HMCN2: variants seen among roughly 807,000 people sequenced by gnomAD.
HMCN2 encodes hemicentin-2.
A neutral mutation model predicts 377.5 loss-of-function variants in HMCN2; 325 were observed. The ratio of observed to expected loss-of-function variants is 0.86; its 90% CI spans 0.79 to 0.94. HMCN2 has a LOEUF of 0.94. HMCN2 is among the 40% of genes least tolerant of loss of function. The pLI is 0.00. For missense variants in HMCN2, 4,543 were observed against 4,725.3 expected, an observed-to-expected ratio of 0.96 and a Z score of 1.13; for synonymous variants, 2,007 against 2,046.8, an observed-to-expected ratio of 0.98 and a Z score of 0.53.
chr9:130,304,199 A>T lies in HMCN2; in HGVS notation c.1544-531A>T, dbSNP rs542919797. Among the ~76,000 whole-genome samples, 1 of 151,690 alleles carries T rather than the reference A, an allele frequency of 6.6e-6. No homozygotes were observed. The highest frequency in any genetic ancestry group is 1.5e-5 in the Non-Finnish European group (1 of 67,942). On this transcript the variant is annotated intron_variant, in intron 10 of 97. Transcript: ENST00000683500. The surrounding 1 kb of genome is among the most constrained non-coding windows in gnomAD (Gnocchi z 4.3). Reference sequence around the variant, plus strand: ...ATCCCTCCATTCTGCCATTTGATTTACTCCCTTTTAGGTTTTTTTCTATGT... The same window carrying T: ...ATCCCTCCATTCTGCCATTTGATTTTCTCCCTTTTAGGTTTTTTTCTATGT...
chr9:130,397,249 C>G (rs568880323), intron 73 of HMCN2, among the ~76,000 whole-genome samples: 3 of 152,294 alleles, frequency 2.0e-5, no homozygotes, highest in African/African-American at 4.8e-5. Context: ...GAGAAACTTA[C>G]GTTTTTAAAA....
chr9:130,272,019 A>T (rs1834433226), intron 1 of HMCN2, among the ~76,000 whole-genome samples: 1 of 149,122 alleles, frequency 6.7e-6, no homozygotes, highest in Non-Finnish European at 1.5e-5. Context: ...AACAGTCAGA[A>T]ATCTGTCTCC....
Position 130,423,990 on chromosome 9 carries a change from T to C in HMCN2, c.13382-786T>C, listed in dbSNP as rs943111288. Reference sequence around the variant, plus strand: ...CATGCATTTATTTCTTCTTTTTTTTTTCTTTTTGAGACTGCTTCTCGCTTT... The same window carrying C: ...CATGCATTTATTTCTTCTTTTTTTTCTCTTTTTGAGACTGCTTCTCGCTTT... On this transcript the variant is annotated intron_variant, in intron 87 of 97. Transcript: ENST00000683500. The surrounding 1 kb of genome is among the most constrained non-coding windows in gnomAD (Gnocchi z 5.5). 6.6e-6 allele frequency among the ~76,000 whole-genome samples: 1 copy of C among 151,854 alleles called. No homozygotes were observed. Among genetic ancestry groups the C allele is most frequent in the Non-Finnish European group, 1.5e-5 (1 of 67,944 alleles).
intron 21 of HMCN2, among the ~76,000 whole-genome samples, chr9:130,326,531 A>G (rs1440524118): frequency 6.6e-6 from 1 of 152,028 alleles, no homozygotes; most frequent in Non-Finnish European, 1.5e-5. Context: ...GAGCAAATGT[A>G]TAAGCCAGGC....
At position 130,391,138 on chromosome 9, in the gene HMCN2, C is replaced by A. The variant is rs796221024; in HGVS notation, c.9667+18C>A. On this transcript the variant is annotated intron_variant, in intron 63 of 97. Transcript: ENST00000683500. The stretch of plus-strand genomic sequence containing the variant: ...AGTGCTGGGTAGGTCTGCGCCTGCA[C>A]CCTCCTGTCCCACTCCCATGGCAGC... 20 of 987,838 alleles carry A rather than the reference C, an allele frequency of 2.0e-5. No individual in the cohort carries two copies. Among genetic ancestry groups the A allele is most frequent in the African/African-American group, 1.4e-4 (8 of 57,424 alleles). 61.2% of individuals were successfully genotyped at this position (987,838 alleles called of 1,614,324 possible).
At chr9:130,405,849 C>A in intron 81 of HMCN2, 106 bp from the exon 82 acceptor site, 1 of 835,100 alleles carries the variant, frequency 1.2e-6, no homozygotes, top group Non-Finnish European at 1.6e-6. Flanking sequence ...CAAGTCACTT[C>A]CCCTCTCTGG....
At chr9:130,334,522 T>G (rs1838602935) in intron 22 of HMCN2, among the ~76,000 whole-genome samples, 1 of 150,924 alleles carries the variant, frequency 6.6e-6, no homozygotes, top group Non-Finnish European at 1.5e-5. Context: ...CCACTTTTAT[T>G]GGTGTGAATT....
Position 130,431,426 on chromosome 9 carries a change from A to T in HMCN2, c.14707A>T (p.Ser4903Cys). 6.5e-7 allele frequency: 1 copy of T among 1,550,256 alleles called. No homozygotes were observed. The highest frequency in any genetic ancestry group is 8.7e-7 in the Non-Finnish European group (1 of 1,146,866). The change falls in exon 96 of 98, where the codon AGC becomes TGC. Residue 4903 changes from serine to cysteine, a missense_variant. By Grantham distance (112) the Ser-to-Cys change is moderately radical. Coordinates refer to ENST00000683500, the MANE Select transcript of HMCN2 (RefSeq NM_001291815.2). ...GCACGCCTGCCGCAACACTGAGGGC[A>T]GCTACCAGTGCCTGTGCCCCGCCGG... ...CQHACRNTEG[S>C]YQCLCPAGYR...
At chr9:130,297,197 T>G (rs1157754439) in intron 7 of HMCN2, among the ~76,000 whole-genome samples, 1 of 152,226 alleles carries the variant, frequency 6.6e-6, no homozygotes, top group Non-Finnish European at 1.5e-5. Context: ...AAAGAACACA[T>G]GCCAGTGAGT....
rs1481597065 is a variant in HMCN2, at chr9:130,428,739, G to A, written c.14197+250G>A. ...TTTTCTTTCTGCACCTCAGCATCTTGTCTGCTTGATAAAGAGGGAGCCAGG... is the reference window on the plus strand; with the variant it reads ...TTTTCTTTCTGCACCTCAGCATCTTATCTGCTTGATAAAGAGGGAGCCAGG... On this transcript the variant is annotated intron_variant, in intron 93 of 97. Coordinates refer to ENST00000683500, the MANE Select transcript of HMCN2 (RefSeq NM_001291815.2). This position sits in a 1 kb window ranked among gnomAD's most constrained non-coding sequence, Gnocchi z 5.0. 1.3e-5 allele frequency among the ~76,000 whole-genome samples: 2 copies of A among 152,150 alleles called. No individual in the cohort carries two copies. Among genetic ancestry groups the A allele is most frequent in the African/African-American group, 4.8e-5 (2 of 41,426 alleles).
intron 76 of HMCN2, 44 bp from the exon 77 acceptor site, chr9:130,400,739 C>G: frequency 8.0e-7 from 1 of 1,251,698 alleles, no homozygotes; most frequent in Non-Finnish European, 1.0e-6. Flanking sequence ...CCGTGAGTGC[C>G]CTGTGCCCGC....
At position 130,385,644 on chromosome 9, in the gene HMCN2, A is replaced by G. The variant is rs1447774490; in HGVS notation, c.9191A>G (p.Glu3064Gly). 1 of 1,304,190 alleles carries G rather than the reference A, an allele frequency of 7.7e-7. No individual in the cohort carries two copies. The highest frequency in any genetic ancestry group is 2.3e-5 in the Admixed American group (1 of 43,566). 80.8% of individuals were successfully genotyped at this position (1,304,190 alleles called of 1,614,324 possible). The change falls in exon 60 of 98, where the codon GAG (glutamate) becomes GGG (glycine). Residue 3064 changes from glutamate (E) to glycine (G), a missense_variant. By Grantham distance (98) the Glu-to-Gly change is moderately conservative. Coordinates refer to ENST00000683500, the MANE Select transcript of HMCN2 (RefSeq NM_001291815.2). ...RVGDKAVLSC[E>G]TDALPEPTVT... The stretch of plus-strand genomic sequence containing the variant: ...GGGGACAAAGCTGTCCTGAGCTGCG[A>G]GACAGATGCGCTCCCTGAGCCAACT...
chr9:130,278,105 T>A (rs1301846226), intron 1 of HMCN2, among the ~76,000 whole-genome samples: 2 of 151,952 alleles, frequency 1.3e-5, no homozygotes, highest in African/African-American at 4.8e-5. Flanking sequence ...ATCATCATTG[T>A]TTTTTTGTTT....
Position 130,385,611 on chromosome 9 carries a change from T to A in HMCN2, c.9158T>A (p.Val3053Glu). ...APRGPQDAVLVRVGDKAVLSC... is the reference protein window; with the variant it reads ...APRGPQDAVLERVGDKAVLSC... ...AGAGGTCCCCAGGATGCGGTCCTGG[T>A]GAGGGTCGGGGACAAAGCTGTCCTG... Residue 3053 changes from valine to glutamate, a missense_variant, in exon 60 of 98, where the codon GTG becomes GAG. Around this residue, in one of 5 missense-constraint regions of HMCN2, gnomAD observed 736 missense variants for 773.2 expected, o/e 0.95. Coordinates refer to ENST00000683500, the MANE Select transcript of HMCN2 (RefSeq NM_001291815.2). The A allele has an allele frequency of 7.7e-7, 1 of 1,303,986 alleles. No individual in the cohort carries two copies. The highest frequency in any genetic ancestry group is 1.2e-5 in the South Asian group (1 of 81,008). The allele number at this position is 1,303,986 out of a possible 1,614,324, so 80.8% of individuals were successfully genotyped here.
At chr9:130,405,823 G>C in intron 81 of HMCN2, 132 bp from the exon 82 acceptor site, 1 of 546,900 alleles carries the variant, frequency 1.8e-6, no homozygotes. Context: ...CCGTTTGCTA[G>C]CTGTGTGACC....
rs1229319852 is a variant in HMCN2 at position 130,355,819 on chromosome 9, C to T, written c.5220C>T (p.Pro1740=). The change falls in exon 33 of 98, where the codon CCC becomes CCT. Residue 1740 remains proline (P), a synonymous_variant. Coordinates refer to ENST00000683500, the MANE Select transcript of HMCN2 (RefSeq NM_001291815.2). ...TCGTGGGACAGCCCCTGGAACTTCCCTGCCAGGCCTCAGGCTCCCCAGTAC... is the reference window on the plus strand; with the variant it reads ...TCGTGGGACAGCCCCTGGAACTTCCTTGCCAGGCCTCAGGCTCCCCAGTAC... The part of the protein sequence containing the change: ...TTIVGQPLEL[P]CQASGSPVPT... The T allele has an allele frequency of 2.1e-5, 28 of 1,303,884 alleles. No individual in the cohort carries two copies. Among genetic ancestry groups the T allele is most frequent in the Non-Finnish European group, 2.7e-5 (27 of 988,876 alleles). The allele number at this position is 1,303,884 out of a possible 1,614,324, so 80.8% of individuals were successfully genotyped here.
intron 36 of HMCN2, among the ~76,000 whole-genome samples, chr9:130,358,965 T>C (rs915604991): frequency 3.3e-5 from 5 of 152,144 alleles, no homozygotes; most frequent in African/African-American, 4.8e-5. Flanking sequence ...TGAGCCACGG[T>C]GGGATTTTTA....
chr9:130,416,100 ATTTTTT>A lies in HMCN2; in HGVS notation c.12962-2656_12962-2651del, dbSNP rs34382467. ...TCTTATCCAAAGTTCTAGAGGCTTT[ATTTTTT>A]TTTTTTTTTTTTTTTGGAGACAGAG... On this transcript the variant is annotated intron_variant, in intron 85 of 97. Coordinates refer to ENST00000683500, the MANE Select transcript of HMCN2 (RefSeq NM_001291815.2). Among the ~76,000 whole-genome samples, 268 of 130,738 alleles carry A rather than the reference ATTTTTT, an allele frequency of 2.0e-3. 3 individuals carry two copies. Among genetic ancestry groups the A allele is most frequent in the Admixed American group, 4.7e-3 (58 of 12,276 alleles). 85.8% of individuals were successfully genotyped at this position (130,738 alleles called of 152,430 possible).
Position 130,429,617 on chromosome 9 carries a change from C to A in HMCN2, c.14258C>A (p.Thr4753Asn). ...CACTACAACCAGCTCTGCGAGAACA[C>A]CCCAGGCGGTCACCGCTGCAGCTGC... ...DCHYNQLCEN[T>N]PGGHRCSCPR... The change falls in exon 94 of 98, where the codon ACC becomes AAC. Residue 4753 changes from threonine (T) to asparagine (N), a missense_variant. Thr to Asn is a moderately conservative substitution (Grantham distance 65). Transcript: ENST00000683500. 6.5e-7 allele frequency: 1 copy of A among 1,550,068 alleles called. No individual in the cohort carries two copies. The highest frequency in any genetic ancestry group is 8.7e-7 in the Non-Finnish European group (1 of 1,146,716).
Sources: allele counts gnomAD v4.1 joint callset (sites outside exome capture counted in the v4.1 genomes callset), GRCh38; gene constraint gnomAD v4.1.1; regional missense constraint gnomAD v4.1.1; non-coding constraint Gnocchi (gnomAD v3.1); transcripts MANE v1.5; gene names NCBI Gene and HGNC (gene_info 2026-07-23, HGNC 2026-07-21).